ATG5: variants seen among roughly 807,000 people sequenced by gnomAD.
ATG5 encodes autophagy protein 5.
ATG5 carries 14 observed loss-of-function variants against 36.5 expected under a neutral mutation model. The ratio of observed to expected loss-of-function variants is 0.38; its 90% CI spans 0.25 to 0.60. The LOEUF is 0.60. ATG5 is among the 20% of genes least tolerant of loss of function. ATG5 has a pLI of 0.60. For missense variants in ATG5, 195 were observed against 326.7 expected (o/e 0.60, Z 3.11); for synonymous variants, 95 against 101.5 (o/e 0.94, Z 0.38).
rs533365695 is a variant in ATG5, at chr6:106,215,808, C to T, written c.574-13719G>A. ...ACTTTTGTTCTTCAAATGACATCATCAAGAAAATAAATCCCACAGAATGGG... is the reference window on the plus strand; with the variant it reads ...ACTTTTGTTCTTCAAATGACATCATTAAGAAAATAAATCCCACAGAATGGG... On this transcript the variant is annotated intron_variant, in intron 6 of 7. Coordinates refer to ENST00000369076, the MANE Select transcript of ATG5 (RefSeq NM_004849.4). 1.8e-3 allele frequency among the ~76,000 whole-genome samples: 276 copies of T among 152,220 alleles called. 2 individuals are homozygous for T. Among genetic ancestry groups the T allele is most frequent in the African/African-American group, 6.4e-3 (265 of 41,564 alleles).
chr6:106,184,564 G>T lies in ATG5; in HGVS notation c.*1976C>A, dbSNP rs745879329. On this transcript the variant is annotated 3_prime_UTR_variant, in exon 8 of 8. Transcript: ENST00000369076. ...TTATTTAAGCCAGCATGAATTTCTGGTTTTACTCTTCCTCTAGGGCATTGT... is the reference window on the plus strand; with the variant it reads ...TTATTTAAGCCAGCATGAATTTCTGTTTTTACTCTTCCTCTAGGGCATTGT... 6.6e-6 allele frequency: 1 copy of T among 152,198 alleles called. No homozygotes were observed. The highest frequency in any genetic ancestry group is 1.9e-4 in the East Asian group (1 of 5,342). 9.4% of individuals were successfully genotyped at this position (152,198 alleles called of 1,614,324 possible). A position where few individuals can be genotyped will look rare whatever the true frequency, so the allele number is the denominator to read the frequency against.
intron 5 of ATG5, among the ~76,000 whole-genome samples, chr6:106,276,462 T>C (rs1161363980): frequency 5.4e-5 from 5 of 92,754 alleles, no homozygotes; most frequent in South Asian, 3.5e-4. Context: ...AGACTCTGTC[T>C]CCAAAAAAAA....
chr6:106,228,953 C>A (rs954476141), intron 6 of ATG5, among the ~76,000 whole-genome samples: 2 of 152,210 alleles, frequency 1.3e-5, no homozygotes, highest in Non-Finnish European at 2.9e-5. Flanking sequence ...GCTGTCGTCC[C>A]GAACTCCCGG....
At chr6:106,216,009 A>G (rs757301575) in intron 6 of ATG5, among the ~76,000 whole-genome samples, 11 of 152,238 alleles carry the variant, frequency 7.2e-5, no homozygotes, top group Non-Finnish European at 1.6e-4. Context: ...GATGTTTAGC[A>G]TCACTGGTCA....
At chr6:106,217,443 T>C (rs1777083784) in intron 6 of ATG5, 1 of 152,202 alleles carries the variant, frequency 6.6e-6, no homozygotes, top group African/African-American at 2.4e-5. Flanking sequence ...AAAATGTCCT[T>C]ACTAACAAAT....
intron 7 of ATG5, among the ~76,000 whole-genome samples, chr6:106,200,542 T>G (rs1325459572): frequency 1.3e-5 from 2 of 152,038 alleles, no homozygotes; most frequent in African/African-American, 2.4e-5. Flanking sequence ...TGGCATGATC[T>G]TGGCTCACTG....
At chr6:106,203,143 CAATTTCCA>C (rs1776501836) in intron 6 of ATG5, among the ~76,000 whole-genome samples, 1 of 152,230 alleles carries the variant, frequency 6.6e-6, no homozygotes. Context: ...ATAGGTTTCA[CAATTTCCA>C]AAACAGCAGA....
At chr6:106,317,527 G>GA (rs901611706) in intron 1 of ATG5, among the ~76,000 whole-genome samples, 6 of 152,200 alleles carry the variant, frequency 3.9e-5, no homozygotes, top group Admixed American at 3.9e-4. Context: ...GCAAGAGGTG[G>GA]AAAAAATATG....
Position 106,316,136 on chromosome 6 carries a change from C to T in ATG5, c.73G>A (p.Asp25Asn). ...RIPTCFTLYQ[D>N]EITEREAEPY... ...TCTGCTTCCCTTTCAGTTATCTCAT[C>T]CTGATATAGCGTGAAACAAGTTGGA... Residue 25 changes from aspartate (D) to asparagine (N), a missense_variant, in exon 2 of 8, where the codon GAT becomes AAT. By Grantham distance (23) the Asp-to-Asn change is conservative (BLOSUM62 1). Coordinates refer to ENST00000369076, the MANE Select transcript of ATG5 (RefSeq NM_004849.4). The T allele has an allele frequency of 6.2e-7, 1 of 1,613,492 alleles. No homozygotes were observed. Among genetic ancestry groups the T allele is most frequent in the African/African-American group, 1.3e-5 (1 of 75,004 alleles).
intron 4 of ATG5, among the ~76,000 whole-genome samples, chr6:106,281,890 T>C (rs571916471): frequency 6.6e-6 from 1 of 152,346 alleles, no homozygotes; most frequent in South Asian, 2.1e-4. Flanking sequence ...GTAATGTCTC[T>C]TTGTGGTTTT....
chr6:106,257,376 C>A (rs1778842288), intron 5 of ATG5, among the ~76,000 whole-genome samples: 1 of 152,190 alleles, frequency 6.6e-6, no homozygotes, highest in Non-Finnish European at 1.5e-5. Context: ...ATTTATCCAA[C>A]TGGCAGCACA....
chr6:106,315,434 T>C (rs1300309382), intron 2 of ATG5, among the ~76,000 whole-genome samples: 1 of 152,190 alleles, frequency 6.6e-6, no homozygotes, highest in African/African-American at 2.4e-5. Context: ...GGATTATACA[T>C]GCACTTAGAA....
intron 3 of ATG5, among the ~76,000 whole-genome samples, chr6:106,298,280 ATT>A (rs1411710736): frequency 6.6e-6 from 1 of 151,828 alleles, no homozygotes; most frequent in Non-Finnish European, 1.5e-5. Flanking sequence ...AAATCTTAAA[ATT>A]TTTTTTTAAA....
chr6:106,251,577 G>T (rs114639640), intron 5 of ATG5, among the ~76,000 whole-genome samples: 1 of 85,066 alleles, frequency 1.2e-5, no homozygotes, highest in African/African-American at 4.2e-5. Flanking sequence ...TTATAGAAAC[G>T]CTATATTCTT....
chr6:106,276,463 CCA>C (rs1779657332), intron 5 of ATG5, among the ~76,000 whole-genome samples: 1 of 91,094 alleles, frequency 1.1e-5, no homozygotes. Context: ...GACTCTGTCT[CCA>C]AAAAAAAAAA....
chr6:106,262,605 C>A (rs960454487), intron 5 of ATG5, among the ~76,000 whole-genome samples: 1 of 152,112 alleles, frequency 6.6e-6, no homozygotes, highest in African/African-American at 2.4e-5. Flanking sequence ...CAGCTCCCAG[C>A]GAGACAAACA....
At chr6:106,212,871 G>C (rs1343290318) in intron 6 of ATG5, among the ~76,000 whole-genome samples, 2 of 152,072 alleles carry the variant, frequency 1.3e-5, no homozygotes, top group Non-Finnish European at 2.9e-5. Context: ...AAAACCCCAA[G>C]CATACTATGG....
At position 106,219,079 on chromosome 6, in the gene ATG5, T is replaced by G. The variant is rs550863567; in HGVS notation, c.574-16990A>C. On this transcript the variant is annotated intron_variant, in intron 6 of 7. Coordinates refer to ENST00000369076, the MANE Select transcript of ATG5 (RefSeq NM_004849.4). ...CAGAAAGGCCTATTGAAATATATTATTTCTTTCAAATTTTAAACGAGCAGA... is the reference window on the plus strand; with the variant it reads ...CAGAAAGGCCTATTGAAATATATTAGTTCTTTCAAATTTTAAACGAGCAGA... 6.0e-4 allele frequency among the ~76,000 whole-genome samples: 91 copies of G among 152,278 alleles called. 1 individual carries two copies. Among genetic ancestry groups the G allele is most frequent in the Non-Finnish European group, 1.0e-3 (70 of 68,000 alleles).
At chr6:106,269,399 T>TA (rs1274587881) in intron 5 of ATG5, among the ~76,000 whole-genome samples, 1 of 94,700 alleles carries the variant, frequency 1.1e-5, no homozygotes, top group African/African-American at 6.0e-5. Flanking sequence ...TCCCGCGCCG[T>TA]GCCCCGCACT....
Sources: allele counts gnomAD v4.1 joint callset (sites outside exome capture counted in the v4.1 genomes callset), GRCh38; gene constraint gnomAD v4.1.1; transcripts MANE v1.5; gene names NCBI Gene and HGNC (gene_info 2026-07-23, HGNC 2026-07-21).